DLG2: variants seen among roughly 807,000 people sequenced by gnomAD.
The protein encoded by DLG2 is disks large homolog 2.
In DLG2, 45 loss-of-function variants were observed where a neutral mutation model predicts 132.5. The observed-to-expected ratio is 0.34, with a 90% CI of 0.27 to 0.44. The LOEUF (loss-of-function observed/expected upper bound fraction) is 0.44. DLG2 is among the 20% of genes least tolerant of loss of function. The pLI is 1.00. For synonymous variants in DLG2, 424 were observed against 419.6 expected (o/e 1.01, Z -0.13); for missense variants, 1,045 against 1,196.9 (o/e 0.87, Z 1.87).
intron 26 of DLG2, among the ~76,000 whole-genome samples, chr11:83,465,284 G>A (rs1209682572): frequency 6.6e-6 from 1 of 152,094 alleles, no homozygotes; most frequent in Non-Finnish European, 1.5e-5. Context: ...GCTCAACTAT[G>A]TATTTAACTT....
At chr11:84,300,043 T>A (rs1408351878) in intron 7 of DLG2, among the ~76,000 whole-genome samples, 1 of 152,098 alleles carries the variant, frequency 6.6e-6, no homozygotes, top group African/African-American at 2.4e-5. Flanking sequence ...GGTTTTGATT[T>A]TGGGTGGAGG....
chr11:84,793,351 G>A (rs1003490295), intron 6 of DLG2, among the ~76,000 whole-genome samples: 6 of 152,114 alleles, frequency 3.9e-5, no homozygotes, highest in South Asian at 2.1e-4. Flanking sequence ...TTATCTGTGC[G>A]CTGAGGAAAA....
Position 84,954,428 on chromosome 11 carries a change from C to G in DLG2, c.357+157233G>C, listed in dbSNP as rs552204068. Among the ~76,000 whole-genome samples, 17 of 151,724 alleles carry G rather than the reference C, an allele frequency of 1.1e-4. No individual in the cohort carries two copies. The East Asian group carries it at 3.1e-3, about 28-fold the overall frequency. ...GAAAGTAGTGAGGAATTTCCAGCCACAGCTAATAATATAATGGATCACGTT... is the reference window on the plus strand; with the variant it reads ...GAAAGTAGTGAGGAATTTCCAGCCAGAGCTAATAATATAATGGATCACGTT... On this transcript the variant is annotated intron_variant, in intron 6 of 27. Transcript: ENST00000376104.
chr11:84,987,621 T>G (rs1172579025), intron 6 of DLG2, among the ~76,000 whole-genome samples: 2 of 152,108 alleles, frequency 1.3e-5, no homozygotes, highest in East Asian at 1.9e-4. Context: ...CTCAAATACT[T>G]ACAACCAACT....
At chr11:85,252,364 G>A (rs770294914) in intron 4 of DLG2, among the ~76,000 whole-genome samples, 27 of 152,240 alleles carry the variant, frequency 1.8e-4, no homozygotes, top group East Asian at 3.9e-4. Context: ...CAAGGCAGGC[G>A]GATCACGAGG....
At chr11:84,283,533 C>T (rs563818676) in intron 7 of DLG2, among the ~76,000 whole-genome samples, 1 of 152,268 alleles carries the variant, frequency 6.6e-6, no homozygotes, top group African/African-American at 2.4e-5. Flanking sequence ...AAATTCACAT[C>T]TTTTGGTTAT....
At chr11:85,503,687 C>A (rs948345305) in intron 3 of DLG2, among the ~76,000 whole-genome samples, 1 of 151,974 alleles carries the variant, frequency 6.6e-6, no homozygotes, top group African/African-American at 2.4e-5. Flanking sequence ...ATCCCAACAC[C>A]TTGGGAGCCT....
At chr11:84,171,287 GT>G (rs1265303213) in intron 8 of DLG2, among the ~76,000 whole-genome samples, 1 of 152,162 alleles carries the variant, frequency 6.6e-6, no homozygotes, top group Non-Finnish European at 1.5e-5. Flanking sequence ...TACAGGTGCA[GT>G]TTTGTTACAT....
chr11:84,178,807 T>G (rs2096043335), intron 8 of DLG2, among the ~76,000 whole-genome samples: 1 of 151,854 alleles, frequency 6.6e-6, no homozygotes, highest in Non-Finnish European at 1.5e-5. Context: ...GGAAACAGAC[T>G]ACAGATCTAG....
chr11:84,710,311 G>T (rs1172855512), intron 6 of DLG2, among the ~76,000 whole-genome samples: 1 of 151,814 alleles, frequency 6.6e-6, no homozygotes, highest in East Asian at 1.9e-4. Flanking sequence ...ATTAACCTGA[G>T]GTGCCCACTA....
At chr11:83,897,166 C>T (rs2071982862) in intron 15 of DLG2, among the ~76,000 whole-genome samples, 1 of 152,150 alleles carries the variant, frequency 6.6e-6, no homozygotes, top group African/African-American at 2.4e-5. Context: ...CCACTGCTAG[C>T]CAGCAGAGCT....
At chr11:83,721,759 A>G (rs1314313708) in intron 18 of DLG2, among the ~76,000 whole-genome samples, 1 of 152,254 alleles carries the variant, frequency 6.6e-6, no homozygotes, top group African/African-American at 2.4e-5. Context: ...ACGCTCATTG[A>G]GAAATTCCAC....
intron 19 of DLG2, among the ~76,000 whole-genome samples, chr11:83,620,894 A>AAAAC (rs2061536067): frequency 6.7e-6 from 1 of 150,124 alleles, no homozygotes; most frequent in African/African-American, 2.5e-5. Context: ...AAAAAAAAAA[A>AAAAC]TGCATTCCTA....
In DLG2 at chr11:84,740,063, A is replaced by G. The variant is rs1462328348; in HGVS notation, c.358-205332T>C. 2.0e-5 allele frequency among the ~76,000 whole-genome samples: 3 copies of G among 151,942 alleles called. No homozygotes were observed. In the East Asian group the frequency reaches 5.8e-4, roughly 29 times the overall value. ...AACGTTCAGAAATTGGGAAGTTATC[A>G]CTGCTATTAGTTTCCATGGCATCCA... On this transcript the variant is annotated intron_variant, in intron 6 of 27. Transcript: ENST00000376104.
At chr11:83,963,237 A>C (rs1415592947) in intron 13 of DLG2, among the ~76,000 whole-genome samples, 4 of 152,172 alleles carry the variant, frequency 2.6e-5, no homozygotes. Context: ...ATAATAGTTA[A>C]GTCTGTAATG....
At chr11:83,648,663 G>A (rs1162555065) in intron 18 of DLG2, among the ~76,000 whole-genome samples, 1 of 152,150 alleles carries the variant, frequency 6.6e-6, no homozygotes, top group Non-Finnish European at 1.5e-5. Context: ...AAAGCATTGT[G>A]TGAATATATG....
chr11:83,965,988 G>A (rs2090102097), intron 12 of DLG2, among the ~76,000 whole-genome samples: 1 of 151,956 alleles, frequency 6.6e-6, no homozygotes, highest in South Asian at 2.1e-4. Context: ...TATGTTGCAT[G>A]ACTACAGTAT....
chr11:84,032,669 T>C (rs1279547982), intron 11 of DLG2, among the ~76,000 whole-genome samples: 3 of 152,166 alleles, frequency 2.0e-5, no homozygotes, highest in Admixed American at 1.3e-4. Flanking sequence ...AGATTTTCGA[T>C]GTAGACAAAA....
At chr11:84,375,453 T>G (rs987161228) in intron 7 of DLG2, among the ~76,000 whole-genome samples, 3 of 152,166 alleles carry the variant, frequency 2.0e-5, no homozygotes, top group Non-Finnish European at 4.4e-5. Flanking sequence ...AATGTCATTT[T>G]ATAATACAGA....
Sources: allele counts gnomAD v4.1 joint callset (sites outside exome capture counted in the v4.1 genomes callset), GRCh38; gene constraint gnomAD v4.1.1; transcripts MANE v1.5; gene names NCBI Gene and HGNC (gene_info 2026-07-23, HGNC 2026-07-21).